The following PIEZO1 variants were observed in gnomAD, a reference collection of about 807,000 sequenced individuals.
The protein encoded by PIEZO1 is piezo-type mechanosensitive ion channel component 1.
PIEZO1 carries 296 observed loss-of-function variants against 297.2 expected under a neutral mutation model. The observed-to-expected ratio is 1.00, with a 90% CI of 0.91 to 1.10. The LOEUF (loss-of-function observed/expected upper bound fraction) is 1.10, where lower values mean the gene tolerates loss of function less well. Among genes scored for constraint, PIEZO1 ranks in the 50% least tolerant of loss-of-function variants. The pLI is 0.00. For synonymous variants in PIEZO1, 2,427 were observed against 1,507.5 expected, an observed-to-expected ratio of 1.61 and a Z score of -14.13; for missense variants, 5,018 against 3,455.5, an observed-to-expected ratio of 1.45 and a Z score of -11.34.
chr16:88,738,876 G>A (rs1905445211), intron 5 of PIEZO1, 140 bp from the exon 6 acceptor site: 1 of 724,242 alleles, frequency 1.4e-6, no homozygotes, highest in East Asian at 2.7e-5. Context: ...AGCCTCCCCG[G>A]GCACAGGCCC....
In PIEZO1 at chr16:88,755,906, G is replaced by A. The variant is rs143787967; in HGVS notation, c.65-6427C>T. Among the ~76,000 whole-genome samples, 70 of 152,292 alleles carry A rather than the reference G, an allele frequency of 4.6e-4. No individual in the cohort carries two copies. In the East Asian group the frequency reaches 9.7e-3, roughly 21 times the overall value. On this transcript the variant is annotated intron_variant, in intron 1 of 50. Coordinates refer to ENST00000301015, the MANE Select transcript of PIEZO1 (RefSeq NM_001142864.4). ...GCAGATCCTGACATGAGAAACCGGG[G>A]CCAGGGGGTGGCAATTCCTGGGTTC... is the stretch of plus-strand genomic sequence containing the variant.
intron 1 of PIEZO1, among the ~76,000 whole-genome samples, chr16:88,751,956 AG>A (rs941438880): frequency 2.0e-5 from 3 of 152,234 alleles, no homozygotes; most frequent in Non-Finnish European, 2.9e-5. Flanking sequence ...AGCCCGTGGC[AG>A]GGCACCTTAG....
At position 88,732,420 on chromosome 16, in the gene PIEZO1, C is replaced by T. The variant is rs1433044191; in HGVS notation, c.2906G>A (p.Ser969Asn). The T allele has an allele frequency of 1.5e-5, 23 of 1,549,778 alleles. No homozygotes were observed. In the East Asian group the frequency reaches 5.4e-4, roughly 36 times the overall value. The change falls in exon 21 of 51, where the codon AGC (serine) becomes AAC (asparagine). Residue 969 changes from serine to asparagine, a missense_variant. By Grantham distance (46) the Ser-to-Asn change is conservative. Coordinates refer to ENST00000301015, the MANE Select transcript of PIEZO1 (RefSeq NM_001142864.4). Reference sequence around the variant, plus strand: ...CTGGTCCAGCTGCTGGCGGGTGCCGCTGGCAAACACGGCCTGGGCAGGCAG... The same window carrying T: ...CTGGTCCAGCTGCTGGCGGGTGCCGTTGGCAAACACGGCCTGGGCAGGCAG... ...APLPAQAVFA[S>N]GTRQQLDQDL... is the part of the protein sequence containing the mutation.
At position 88,734,583 on chromosome 16, in the gene PIEZO1, C is replaced by T. The variant is rs531780121; in HGVS notation, c.1998-45G>A. ...GCACCGGCCCGGCCCCCGGCAGAGC[C>T]GCTGCAGCCCCGGGGAAGTGCACGG... On this transcript the variant is annotated intron_variant, in intron 15 of 50. Coordinates refer to ENST00000301015, the MANE Select transcript of PIEZO1 (RefSeq NM_001142864.4). 166 of 1,546,012 alleles carry T rather than the reference C, an allele frequency of 1.1e-4. No homozygotes were observed. In the East Asian group the frequency reaches 3.2e-3, roughly 30 times the overall value.
At chr16:88,722,500 G>A (rs886164088) in intron 35 of PIEZO1, 83 bp downstream of exon 35, 1 of 1,424,838 alleles carries the variant, frequency 7.0e-7, no homozygotes, top group African/African-American at 1.4e-5. Context: ...TGGGGTACAA[G>A]GGAATGGCGA....
At position 88,733,447 on chromosome 16, in the gene PIEZO1, A is replaced by G; in HGVS notation, c.2495T>C (p.Val832Ala). ...TVWVALKEVS[V>A]MNLLLVVLWA... ...CAGCACCACCAGCAGCAGGTTCATCACCGACACCTGAGGGCAGTGGGCACG... is the reference window on the plus strand; with the variant it reads ...CAGCACCACCAGCAGCAGGTTCATCGCCGACACCTGAGGGCAGTGGGCACG... The change falls in exon 19 of 51, where the codon GTG becomes GCG. Residue 832 changes from valine to alanine, a missense_variant. By Grantham distance (64) the Val-to-Ala change is moderately conservative. Transcript: ENST00000301015. 2.6e-6 allele frequency: 4 copies of G among 1,548,398 alleles called. No homozygotes were observed. Among genetic ancestry groups the G allele is most frequent in the Non-Finnish European group, 3.5e-6 (4 of 1,145,662 alleles).
intron 1 of PIEZO1, among the ~76,000 whole-genome samples, chr16:88,766,326 GGACTCGA>G (rs768900250): frequency 5.3e-5 from 8 of 152,198 alleles, no homozygotes; most frequent in Non-Finnish European, 1.2e-4. Context: ...CGCACAGCCT[GGACTCGA>G]GACTGCAACA....
chr16:88,753,034 G>A (rs1489645934), intron 1 of PIEZO1, among the ~76,000 whole-genome samples: 1 of 151,582 alleles, frequency 6.6e-6, no homozygotes, highest in Non-Finnish European at 1.5e-5. Flanking sequence ...ACACAGACAA[G>A]GAAAAGGCTC....
intron 35 of PIEZO1, 36 bp from the exon 36 acceptor site, chr16:88,722,433 C>T: frequency 1.4e-6 from 2 of 1,475,252 alleles, no homozygotes; most frequent in Non-Finnish European, 1.8e-6. Context: ...GAATCCTGCT[C>T]TATGGCCTGA....
intron 39 of PIEZO1, 148 bp downstream of exon 39, chr16:88,721,018 G>C: frequency 1.2e-6 from 1 of 867,650 alleles, no homozygotes; most frequent in Non-Finnish European, 1.7e-6. Flanking sequence ...AGGCAGAGCC[G>C]GGAGCTGTGG....
In PIEZO1 at chr16:88,738,062, T is replaced by A; in HGVS notation, c.892A>T (p.Ser298Cys). Residue 298 changes from serine (S) to cysteine (C), a missense_variant, in exon 8 of 51, where the codon AGC becomes TGC. Transcript: ENST00000301015. ...KDFVGPTNCSSPHALVLNTGL... is the reference protein window; with the variant it reads ...KDFVGPTNCSCPHALVLNTGL... ...GTGTTGAGGACCAGCGCGTGGGGGCTGGAGCAGTTGGTGGGACCCACGAAG... is the reference window on the plus strand; with the variant it reads ...GTGTTGAGGACCAGCGCGTGGGGGCAGGAGCAGTTGGTGGGACCCACGAAG... 2 of 1,535,806 alleles carry A rather than the reference T, an allele frequency of 1.3e-6. No individual in the cohort carries two copies. Among genetic ancestry groups the A allele is most frequent in the Non-Finnish European group, 1.7e-6 (2 of 1,146,838 alleles).
chr16:88,716,530 C>T (rs1180262275), intron 47 of PIEZO1, 29 bp downstream of exon 47: 2 of 1,536,748 alleles, frequency 1.3e-6, no homozygotes, highest in Non-Finnish European at 1.8e-6. Flanking sequence ...GTCCACCCAC[C>T]CAGGCACTGC....
intron 23 of PIEZO1, 60 bp downstream of exon 23, chr16:88,727,496 TG>T: frequency 1.5e-6 from 1 of 671,358 alleles, no homozygotes; most frequent in Non-Finnish European, 2.5e-6. Flanking sequence ...TGAGCAGATT[TG>T]GGGGCGTGAA....
chr16:88,736,929 C>G, intron 10 of PIEZO1, 190 bp from the exon 11 acceptor site: 1 of 489,786 alleles, frequency 2.0e-6, no homozygotes, highest in Non-Finnish European at 3.6e-6. Flanking sequence ...ATGGCCCTGC[C>G]AGCACCTGCC....
intron 1 of PIEZO1, among the ~76,000 whole-genome samples, chr16:88,758,286 T>TA (rs1567688017): frequency 1.3e-5 from 2 of 152,046 alleles, no homozygotes; most frequent in Non-Finnish European, 2.9e-5. Context: ...CACTCTGGGT[T>TA]AAGTGTCAGC....
In PIEZO1 at chr16:88,749,581, G is replaced by A. The variant is rs568859489; in HGVS notation, c.65-102C>T. 41 of 874,166 alleles carry A rather than the reference G, an allele frequency of 4.7e-5. No individual in the cohort carries two copies. In the Admixed American group the frequency reaches 6.6e-4, roughly 14 times the overall value. The allele number at this position is 874,166 out of a possible 1,614,324, so 54.2% of individuals were successfully genotyped here. A position where few individuals can be genotyped will look rare whatever the true frequency, so the allele number is the denominator to read the frequency against. ...CCCAGCTCGTCACACCGCCGAGGCCGTGTGCCCTGTGAGTGCTGCCCTGAG... is the reference window on the plus strand; with the variant it reads ...CCCAGCTCGTCACACCGCCGAGGCCATGTGCCCTGTGAGTGCTGCCCTGAG... On this transcript the variant is annotated intron_variant, in intron 1 of 50. Coordinates refer to ENST00000301015, the MANE Select transcript of PIEZO1 (RefSeq NM_001142864.4).
chr16:88,717,604 ATCT>A (rs1912143759), intron 44 of PIEZO1: 1 of 465,128 alleles, frequency 2.1e-6, no homozygotes, highest in South Asian at 1.6e-5. Context: ...AAACGGGCAA[ATCT>A]TCATGAACCT....
chr16:88,723,393 G>T, intron 31 of PIEZO1, 65 bp from the exon 32 acceptor site: 1 of 1,521,670 alleles, frequency 6.6e-7, no homozygotes, highest in Non-Finnish European at 8.8e-7. Context: ...GGGAAGCTGG[G>T]GTTGGGCAAG....
chr16:88,734,030 T>A lies in PIEZO1; in HGVS notation c.2205A>T (p.Pro735=). ...GCTCCTGCTGCTCCTCCCGCAGCAGTGGGGTCCCACTCACTGCATCCTGCC... is the reference window on the plus strand; with the variant it reads ...GCTCCTGCTGCTCCTCCCGCAGCAGAGGGGTCCCACTCACTGCATCCTGCC... The part of the protein sequence containing the change: ...AHRQDAVSGT[P]LLREEQQEHQ... The change falls in exon 17 of 51, where the codon CCA becomes CCT. Residue 735 remains proline, a synonymous_variant. Transcript: ENST00000301015. The A allele has an allele frequency of 6.5e-7, 1 of 1,541,342 alleles. No homozygotes were observed. The highest frequency in any genetic ancestry group is 8.8e-7 in the Non-Finnish European group (1 of 1,141,432).
Sources: allele counts gnomAD v4.1 joint callset (sites outside exome capture counted in the v4.1 genomes callset), GRCh38; gene constraint gnomAD v4.1.1; transcripts MANE v1.5; gene names NCBI Gene and HGNC (gene_info 2026-07-23, HGNC 2026-07-21).